UBE2D3: variants seen among roughly 807,000 people sequenced by gnomAD.
The protein encoded by UBE2D3 is ubiquitin-conjugating enzyme E2 D3.
In UBE2D3, 2 loss-of-function variants were observed where a neutral mutation model predicts 22.8. The ratio of observed to expected loss-of-function variants is 0.09; its 90% CI spans 0.04 to 0.28. The LOEUF is 0.28. UBE2D3 is among the 10% of genes least tolerant of loss of function. UBE2D3 has a pLI of 1.00. For missense variants in UBE2D3, 27 were observed against 182.5 expected (o/e 0.15, Z 4.91); for synonymous variants, 56 against 60.4 (o/e 0.93, Z 0.34).
At chr4:102,853,235 C>T (rs1053529466) in intron 1 of UBE2D3, among the ~76,000 whole-genome samples, 4 of 148,228 alleles carry the variant, frequency 2.7e-5, no homozygotes, top group African/African-American at 7.5e-5. Context: ...CTCCGCCTCC[C>T]GGGTTCACGC....
At chr4:102,819,583 C>T (rs978356858) in intron 2 of UBE2D3, 2 of 985,206 alleles carry the variant, frequency 2.0e-6, no homozygotes, top group Non-Finnish European at 2.4e-6. Context: ...CCTATTAAAG[C>T]GTAACGCCAT....
At position 102,803,613 on chromosome 4, in the gene UBE2D3, T is replaced by C. The variant is rs577867808; in HGVS notation, c.121-975A>G. 6.4e-4 allele frequency among the ~76,000 whole-genome samples: 97 copies of C among 152,330 alleles called. 1 individual carries two copies. Among genetic ancestry groups the C allele is most frequent in the African/African-American group, 2.3e-3 (94 of 41,570 alleles). On this transcript the variant is annotated intron_variant, in intron 4 of 7. Transcript: ENST00000453744. ...TTAAGGGATCCAAAGAACAATTTTT[T>C]TTATCTTGATGAGCTTACACTGATA...
At chr4:102,805,190 C>G (rs1439176112) in intron 4 of UBE2D3, among the ~76,000 whole-genome samples, 1 of 152,238 alleles carries the variant, frequency 6.6e-6, no homozygotes, top group South Asian at 2.1e-4. Context: ...CAATTTAACA[C>G]TAAAGTTCTG....
At chr4:102,833,851 C>G (rs1731243982) in intron 1 of UBE2D3, among the ~76,000 whole-genome samples, 1 of 152,176 alleles carries the variant, frequency 6.6e-6, no homozygotes, top group Admixed American at 6.5e-5. Context: ...GTATATATTA[C>G]ACCTATGAGA....
chr4:102,840,448 A>C (rs1731687465), intron 1 of UBE2D3, among the ~76,000 whole-genome samples: 1 of 152,250 alleles, frequency 6.6e-6, no homozygotes. Flanking sequence ...TATTGTGTTA[A>C]GTGAAATAAG....
chr4:102,806,846 A>G (rs962389300), intron 4 of UBE2D3, among the ~76,000 whole-genome samples: 5 of 151,792 alleles, frequency 3.3e-5, no homozygotes, highest in Non-Finnish European at 7.4e-5. Flanking sequence ...CCCCCTCCCC[A>G]AAAAAACCCA....
intron 5 of UBE2D3, 127 bp from the exon 6 acceptor site, chr4:102,801,686 A>T (rs1214055620): frequency 1.3e-6 from 1 of 755,016 alleles, no homozygotes; most frequent in Non-Finnish European, 2.0e-6. Flanking sequence ...AATATTATAG[A>T]AACTGATTTT....
chr4:102,856,415 TAGC>T (rs1466824138), intron 1 of UBE2D3, among the ~76,000 whole-genome samples: 4 of 152,164 alleles, frequency 2.6e-5, no homozygotes, highest in African/African-American at 7.2e-5. Flanking sequence ...CATAGATAAA[TAGC>T]AGGTGGATTG....
In UBE2D3 at chr4:102,800,899, T is replaced by C. The variant is rs765670295; in HGVS notation, c.304+555A>G. Among the ~76,000 whole-genome samples the C allele has an allele frequency of 2.0e-5, 3 of 152,172 alleles. No individual in the cohort carries two copies. In the South Asian group the frequency reaches 6.2e-4, roughly 32 times the overall value. On this transcript the variant is annotated intron_variant, in intron 6 of 7. Transcript: ENST00000453744. Reference sequence around the variant, plus strand: ...CGGAGACCGGAAAACTTGTTACATATAACGTAACAGATACCTATTAAGAGA... The same window carrying C: ...CGGAGACCGGAAAACTTGTTACATACAACGTAACAGATACCTATTAAGAGA...
chr4:102,816,507 T>C (rs1425273589), intron 2 of UBE2D3, among the ~76,000 whole-genome samples: 1 of 152,248 alleles, frequency 6.6e-6, no homozygotes, highest in Non-Finnish European at 1.5e-5. Flanking sequence ...TTCCATTCAT[T>C]GTTAACTATC....
chr4:102,825,689 T>A, intron 2 of UBE2D3: 1 of 794,452 alleles, frequency 1.3e-6, no homozygotes, highest in South Asian at 1.4e-5. Flanking sequence ...GAAACAAGGG[T>A]GTTATTAAAT....
At chr4:102,818,148 G>A (rs1414271596) in intron 2 of UBE2D3, among the ~76,000 whole-genome samples, 1 of 152,154 alleles carries the variant, frequency 6.6e-6, no homozygotes. Flanking sequence ...TTTGGTTGGG[G>A]ACACTGACTT....
chr4:102,802,947 CAT>C (rs1726439050), intron 4 of UBE2D3, among the ~76,000 whole-genome samples: 1 of 152,156 alleles, frequency 6.6e-6, no homozygotes, highest in African/African-American at 2.4e-5. Context: ...CCTACATAAT[CAT>C]GTTTCAGAAT....
At chr4:102,799,835 G>GT (rs1457292574) in intron 6 of UBE2D3, among the ~76,000 whole-genome samples, 1 of 138,368 alleles carries the variant, frequency 7.2e-6, no homozygotes, top group African/African-American at 2.8e-5. Context: ...CAGTGGCTGG[G>GT]GGGGGGGGGA....
At chr4:102,818,389 C>T (rs1729077338) in intron 2 of UBE2D3, among the ~76,000 whole-genome samples, 1 of 152,156 alleles carries the variant, frequency 6.6e-6, no homozygotes, top group South Asian at 2.1e-4. Flanking sequence ...GAATCCAGAC[C>T]TTCTCACTGG....
At chr4:102,826,359 C>A in intron 2 of UBE2D3, 126 bp downstream of exon 2, 1 of 1,193,970 alleles carries the variant, frequency 8.4e-7, no homozygotes, top group South Asian at 1.3e-5. Context: ...GTTCTCCATC[C>A]CCCCATGGAA....
chr4:102,825,575 A>AC (rs759738996), intron 2 of UBE2D3: 66 of 1,200,546 alleles, frequency 5.5e-5, no homozygotes, highest in Non-Finnish European at 6.8e-5. Context: ...AATGAGACTA[A>AC]ACCACCGGAG....
chr4:102,856,774 A>G (rs895804396), intron 1 of UBE2D3, among the ~76,000 whole-genome samples: 8 of 152,106 alleles, frequency 5.3e-5, no homozygotes, highest in African/African-American at 1.4e-4. Context: ...ACTTTCTACA[A>G]TTTGCTTTTT....
chr4:102,835,455 A>G (rs1731342230), intron 1 of UBE2D3, among the ~76,000 whole-genome samples: 2 of 152,214 alleles, frequency 1.3e-5, no homozygotes, highest in South Asian at 2.1e-4. Context: ...GATGACTATA[A>G]TATGAAGTAT....
Sources: gnomAD v4.1 joint callset for allele counts (sites outside exome capture counted in the v4.1 genomes callset) on GRCh38, gnomAD v4.1.1 for gene constraint, MANE v1.5 for transcripts, NCBI Gene and HGNC (gene_info 2026-07-23, HGNC 2026-07-21) for gene names.